The following BACH2 variants were observed in gnomAD, a reference collection of about 807,000 sequenced individuals.
The protein encoded by BACH2 is transcription regulator protein BACH2.
Under a neutral mutation model 61.8 loss-of-function variants are expected in BACH2, and 5 were observed. The ratio of observed to expected loss-of-function variants is 0.08; its 90% CI spans 0.04 to 0.17. BACH2 has a LOEUF of 0.17. BACH2 is among the 10% of genes least tolerant of loss of function. The pLI, the probability that BACH2 is intolerant of heterozygous loss-of-function variation, is 1.00. For missense variants in BACH2, 824 were observed against 1,091.1 expected (o/e 0.76, Z 3.45); for synonymous variants, 446 against 440.1 (o/e 1.01, Z -0.17).
rs138180383 is a variant in BACH2, at chr6:89,950,546, G to C, written c.1560C>G (p.Ser520=). The change falls in exon 7 of 9, where the codon TCC becomes TCG. Residue 520 remains serine (S), a synonymous_variant. Coordinates refer to ENST00000257749, the MANE Select transcript of BACH2 (RefSeq NM_021813.4). The surrounding 1 kb of genome is among the most constrained non-coding windows in gnomAD (Gnocchi z 5.3). ...CGTAGGAATAGGAAGAGCAGGAGCT[G>C]GAAGTCCTGGTCCTGGTCTCCAAGG... ...SPPLETRTRT[S]SSCSSYSYAE... is the part of the protein sequence containing the mutation. 118 of 1,611,414 alleles carry C rather than the reference G, an allele frequency of 7.3e-5. No individual in the cohort carries two copies. The highest frequency in any genetic ancestry group is 1.6e-4 in the Middle Eastern group (1 of 6,070).
intron 2 of BACH2, among the ~76,000 whole-genome samples, chr6:90,262,808 G>C (rs1771206357): frequency 6.6e-6 from 1 of 152,072 alleles, no homozygotes; most frequent in Non-Finnish European, 1.5e-5. Context: ...TTATCCCAAG[G>C]GACACGCATT....
chr6:90,207,656 G>A (rs1769197088), intron 3 of BACH2, among the ~76,000 whole-genome samples: 1 of 152,020 alleles, frequency 6.6e-6, no homozygotes, highest in African/African-American at 2.4e-5. Flanking sequence ...TGGAACTGCA[G>A]TGCTTTTAAA....
intron 4 of BACH2, among the ~76,000 whole-genome samples, chr6:90,144,863 T>C (rs940370084): frequency 6.6e-5 from 10 of 152,194 alleles, no homozygotes; most frequent in Non-Finnish European, 1.5e-5. Flanking sequence ...TCATCCGTGA[T>C]TGTAAAACAC....
At chr6:90,131,145 T>G (rs114337176) in intron 4 of BACH2, among the ~76,000 whole-genome samples, 292 of 152,282 alleles carry the variant, frequency 1.9e-3, no homozygotes, top group African/African-American at 6.8e-3. Flanking sequence ...CATGTACCAG[T>G]TATCAGAGGC....
At chr6:89,988,805 G>T (rs1776381798) in intron 6 of BACH2, among the ~76,000 whole-genome samples, 1 of 152,208 alleles carries the variant, frequency 6.6e-6, no homozygotes, top group South Asian at 2.1e-4. Context: ...AGGCAAAAAA[G>T]AAGTTCATGC....
At chr6:90,016,767 A>G (rs550539415) in intron 5 of BACH2, among the ~76,000 whole-genome samples, 13 of 152,208 alleles carry the variant, frequency 8.5e-5, no homozygotes, top group African/African-American at 2.9e-4. Context: ...TTCATTTTTG[A>G]AAGTTATCTT....
chr6:90,223,007 G>GCCAATAGGGGAAAGACA (rs1425705954), intron 3 of BACH2, among the ~76,000 whole-genome samples: 2 of 152,220 alleles, frequency 1.3e-5, no homozygotes, highest in African/African-American at 4.8e-5. Context: ...TCCAACCCTA[G>GCCAATAGGGGAAAGACA]CCAATAGGGG....
chr6:90,057,971 C>A (rs1254004134), intron 5 of BACH2, among the ~76,000 whole-genome samples: 1 of 152,148 alleles, frequency 6.6e-6, no homozygotes, highest in Non-Finnish European at 1.5e-5. Flanking sequence ...TGGGACGTAT[C>A]TCAAAATAAT....
chr6:89,928,225 A>T lies in BACH2; in HGVS notation c.*4183T>A, dbSNP rs1176283075. 2 of 152,352 alleles carry T rather than the reference A, an allele frequency of 1.3e-5. No homozygotes were observed. Among genetic ancestry groups the T allele is most frequent in the African/African-American group, 4.8e-5 (2 of 41,464 alleles). 9.4% of individuals were successfully genotyped at this position (152,352 alleles called of 1,614,324 possible). ...CCTTCTGGATCTGAGACTCCTCCTA[A>T]ACTGTAAGCAATAGTGAAGCAGTTT... On this transcript the variant is annotated 3_prime_UTR_variant, in exon 9 of 9. Coordinates refer to ENST00000257749, the MANE Select transcript of BACH2 (RefSeq NM_021813.4).
chr6:90,197,521 T>C (rs1241125191), intron 4 of BACH2, among the ~76,000 whole-genome samples: 1 of 152,226 alleles, frequency 6.6e-6, no homozygotes, highest in Non-Finnish European at 1.5e-5. Context: ...AGTTGAGGAC[T>C]TGGAGAAAGA....
At chr6:90,284,227 A>C (rs552317555) in intron 1 of BACH2, among the ~76,000 whole-genome samples, 38 of 152,244 alleles carry the variant, frequency 2.5e-4, no homozygotes, top group Non-Finnish European at 4.1e-4. Context: ...TAAACAAAAA[A>C]CAAAAATGTC....
At chr6:89,983,110 A>C (rs951134809) in intron 6 of BACH2, among the ~76,000 whole-genome samples, 1 of 152,232 alleles carries the variant, frequency 6.6e-6, no homozygotes, top group Non-Finnish European at 1.5e-5. Flanking sequence ...AAAATCTGGG[A>C]ATATCCTAAA....
At chr6:90,200,142 G>A (rs571379588) in intron 4 of BACH2, among the ~76,000 whole-genome samples, 23 of 152,146 alleles carry the variant, frequency 1.5e-4, no homozygotes, top group Non-Finnish European at 2.6e-4. Flanking sequence ...TTTAAACACC[G>A]TTGTGTATAG....
intron 5 of BACH2, among the ~76,000 whole-genome samples, chr6:90,075,490 CA>C: frequency 6.6e-6 from 1 of 152,170 alleles, no homozygotes; most frequent in East Asian, 1.9e-4. Context: ...CCTGGCTTTC[CA>C]AGTGTGTTGG....
chr6:90,214,751 C>CTTTT (rs563651580), intron 3 of BACH2, among the ~76,000 whole-genome samples: 5 of 94,280 alleles, frequency 5.3e-5, no homozygotes, highest in East Asian at 4.5e-4. Context: ...GATTCTGTTC[C>CTTTT]TTTTTTTTTT....
At chr6:90,239,213 G>C (rs1415457306) in intron 3 of BACH2, among the ~76,000 whole-genome samples, 1 of 152,116 alleles carries the variant, frequency 6.6e-6, no homozygotes, top group Non-Finnish European at 1.5e-5. Flanking sequence ...AGATGTCCAC[G>C]AGCCACAAAC....
At chr6:90,222,276 T>G (rs1769760520) in intron 3 of BACH2, among the ~76,000 whole-genome samples, 1 of 152,168 alleles carries the variant, frequency 6.6e-6, no homozygotes, top group African/African-American at 2.4e-5. Context: ...AGGATATGCT[T>G]GGTTTTATTT....
chr6:90,218,270 T>G (rs1376303244), intron 3 of BACH2: 2 of 152,162 alleles, frequency 1.3e-5, no homozygotes, highest in African/African-American at 4.8e-5. Flanking sequence ...AAAATTTTTT[T>G]AAAGTTTCCC....
At chr6:90,035,356 A>G (rs1779211572) in intron 5 of BACH2, among the ~76,000 whole-genome samples, 1 of 152,204 alleles carries the variant, frequency 6.6e-6, no homozygotes. Flanking sequence ...CAGTATTTAA[A>G]TGAGAATTTT....
Sources: gnomAD v4.1 joint callset for allele counts (sites outside exome capture counted in the v4.1 genomes callset) on GRCh38, gnomAD v4.1.1 for gene constraint, Gnocchi (gnomAD v3.1) non-coding constraint, MANE v1.5 for transcripts, NCBI Gene and HGNC (gene_info 2026-07-23, HGNC 2026-07-21) for gene names.